Variants in TUBG2 observed in about 807,000 individuals in gnomAD.
TUBG2 encodes the protein tubulin gamma 2, also known as tubulin gamma-2 chain.
TUBG2 carries 39 observed loss-of-function variants against 55.1 expected under a neutral mutation model. The ratio of observed to expected loss-of-function variants is 0.71; its 90% confidence interval spans 0.55 to 0.93. TUBG2 has a LOEUF of 0.93. Ranked by LOEUF, TUBG2 falls within the 40% of genes least tolerant of loss-of-function variation. The pLI is 0.00. For synonymous variants in TUBG2, 223 were observed against 241.0 expected (o/e 0.93, Z 0.69); for missense variants, 358 against 599.1 (o/e 0.60, Z 4.20).
chr17:42,663,352 A>G, intron 5 of TUBG2, 25 bp from the exon 6 acceptor site: 2 of 1,613,806 alleles, frequency 1.2e-6, no homozygotes, highest in Non-Finnish European at 1.7e-6. Flanking sequence ...CCGGTTCACT[A>G]TGCCACCATC....
intron 4 of TUBG2, 88 bp downstream of exon 4, chr17:42,660,795 A>G: frequency 8.9e-7 from 1 of 1,120,852 alleles, no homozygotes; most frequent in Non-Finnish European, 1.3e-6. Flanking sequence ...AGGTAATATG[A>G]GGGGAGCAAT....
intron 4 of TUBG2, among the ~76,000 whole-genome samples, chr17:42,662,212 G>A (rs915901561): frequency 1.3e-5 from 2 of 152,052 alleles, no homozygotes; most frequent in African/African-American, 4.8e-5. Context: ...GCTGAGATAG[G>A]AAGATGCCTT....
chr17:42,660,827 G>C, intron 4 of TUBG2, 120 bp downstream of exon 4: 1 of 781,312 alleles, frequency 1.3e-6, no homozygotes, highest in African/African-American at 1.7e-5. Context: ...CCCGTTTATG[G>C]AGCATCAGAT....
chr17:42,663,418 A>T lies in TUBG2; in HGVS notation c.521A>T (p.Tyr174Phe), dbSNP rs1211562152. ...GTGCAGACTTATTCAGTGTTTCCCT[A>T]CCAGGACGAGATGAGCGACGTAGTG... ...KLVQTYSVFP[Y>F]QDEMSDVVVQ... Residue 174 changes from tyrosine to phenylalanine, a missense_variant, in exon 6 of 11, where the codon TAC (tyrosine) becomes TTC (phenylalanine). By Grantham distance (22) the Tyr-to-Phe change is conservative. Transcript: ENST00000251412. The T allele has an allele frequency of 5.0e-6, 8 of 1,613,976 alleles. No homozygotes were observed. Among genetic ancestry groups the T allele is most frequent in the Admixed American group, 1.7e-5 (1 of 59,990 alleles).
At chr17:42,660,863 T>C (rs2052367175) in intron 4 of TUBG2, 156 bp downstream of exon 4, 3 of 639,430 alleles carry the variant, frequency 4.7e-6, no homozygotes, top group African/African-American at 3.7e-5. Flanking sequence ...GAATAAGATA[T>C]AATCTTTGTT....
At chr17:42,661,596 G>A (rs1313949309) in intron 4 of TUBG2, among the ~76,000 whole-genome samples, 1 of 152,250 alleles carries the variant, frequency 6.6e-6, no homozygotes, top group Admixed American at 6.5e-5. Flanking sequence ...GGGGCTTCCA[G>A]GAAGGTGAAC....
At chr17:42,665,883 G>A (rs2052524460) in intron 8 of TUBG2, 56 bp downstream of exon 8, 7 of 1,609,870 alleles carry the variant, frequency 4.3e-6, no homozygotes, top group African/African-American at 1.3e-5. Flanking sequence ...AGCAGGCCCT[G>A]CCCCAGCCTT....
intron 4 of TUBG2, 31 bp from the exon 5 acceptor site, chr17:42,662,942 A>T (rs1344413841): frequency 6.2e-7 from 1 of 1,606,732 alleles, no homozygotes; most frequent in Non-Finnish European, 8.5e-7. Context: ...GGCAGGAGAA[A>T]CTGAGTCTGT....
Position 42,666,924 on chromosome 17 carries a change from G to A in TUBG2, c.*124G>A. 3 of 987,668 alleles carry A rather than the reference G, an allele frequency of 3.0e-6. No homozygotes were observed. The highest frequency in any genetic ancestry group is 4.5e-6 in the Non-Finnish European group (3 of 663,768). The allele number at this position is 987,668 out of a possible 1,614,324, so 61.2% of individuals were successfully genotyped here. On this transcript the variant is annotated 3_prime_UTR_variant, in exon 11 of 11. Transcript: ENST00000251412. The stretch of plus-strand genomic sequence containing the variant: ...TGGTTCATCTCCAGCCCGTGAGCTG[G>A]TCCTGCTTCCTCCCTTCCATGCCCT...
At chr17:42,665,390 T>TA (rs2052503327) in intron 6 of TUBG2, 86 bp from the exon 7 acceptor site, 4 of 1,598,136 alleles carry the variant, frequency 2.5e-6, no homozygotes, top group Middle Eastern at 2.1e-4. Context: ...CTTCCTGGCT[T>TA]TGGAGTTCAG....
At chr17:42,663,836 G>A (rs1005452923) in intron 6 of TUBG2, among the ~76,000 whole-genome samples, 2 of 151,934 alleles carry the variant, frequency 1.3e-5, no homozygotes, top group African/African-American at 2.4e-5. Context: ...CCAGCTACTC[G>A]GGAGGCTGAG....
chr17:42,659,671 G>T, intron 1 of TUBG2, 119 bp downstream of exon 1: 1 of 1,383,016 alleles, frequency 7.2e-7, no homozygotes, highest in Non-Finnish European at 9.8e-7. Context: ...CTGCTGCTCT[G>T]GATAACCCAG....
chr17:42,665,188 C>G (rs991781780), intron 6 of TUBG2, among the ~76,000 whole-genome samples: 8 of 152,098 alleles, frequency 5.3e-5, no homozygotes, highest in Non-Finnish European at 1.0e-4. Context: ...GCTGGGACTA[C>G]AGGCGCCCGC....
At position 42,662,870 on chromosome 17, in the gene TUBG2, C is replaced by A. The variant is rs566088311; in HGVS notation, c.400-103C>A. ...CTGGCATCTACTGTAGAATTGACTG[C>A]TTACCTGATGTGTGTGGTAAGACCC... On this transcript the variant is annotated intron_variant, in intron 4 of 10. Transcript: ENST00000251412. The A allele has an allele frequency of 3.7e-5, 41 of 1,115,422 alleles. No individual in the cohort carries two copies. In the South Asian group the frequency reaches 5.7e-4, roughly 15 times the overall value. The allele number at this position is 1,115,422 out of a possible 1,614,324, so 69.1% of individuals were successfully genotyped here. A position where few individuals can be genotyped will look rare whatever the true frequency, so the allele number is the denominator to read the frequency against.
intron 4 of TUBG2, 84 bp downstream of exon 4, chr17:42,660,791 T>C (rs1362352158): frequency 8.6e-7 from 1 of 1,163,678 alleles, no homozygotes; most frequent in Non-Finnish European, 1.3e-6. Context: ...GGATAGGTAA[T>C]ATGAGGGGAG....
intron 6 of TUBG2, 40 bp downstream of exon 6, chr17:42,663,543 C>T (rs1309019272): frequency 6.8e-6 from 11 of 1,610,244 alleles, no homozygotes; most frequent in African/African-American, 1.3e-5. Context: ...TGTGGTGGCT[C>T]ATGCCTGTAG....
In TUBG2 at chr17:42,659,423, C is replaced by G; in HGVS notation, c.-81C>G. 1 of 1,447,772 alleles carries G rather than the reference C, an allele frequency of 6.9e-7. No individual in the cohort carries two copies. The highest frequency in any genetic ancestry group is 9.3e-7 in the Non-Finnish European group (1 of 1,074,312). The allele number at this position is 1,447,772 out of a possible 1,614,324, so 89.7% of individuals were successfully genotyped here. A position where few individuals can be genotyped will look rare whatever the true frequency, so the allele number is the denominator to read the frequency against. Reference sequence around the variant, plus strand: ...CGAAGAGAGCGCGCGCTCCCCACGTCCTGCGCTCCTGGCTGCCGGGCATTC... The same window carrying G: ...CGAAGAGAGCGCGCGCTCCCCACGTGCTGCGCTCCTGGCTGCCGGGCATTC... On this transcript the variant is annotated 5_prime_UTR_variant, in exon 1 of 11. Coordinates refer to ENST00000251412, the MANE Select transcript of TUBG2 (RefSeq NM_016437.3).
chr17:42,659,688 A>AG (rs2052336905), intron 1 of TUBG2, 136 bp downstream of exon 1: 16 of 1,357,738 alleles, frequency 1.2e-5, no homozygotes, highest in Non-Finnish European at 1.6e-5. Flanking sequence ...CCAGACCGAG[A>AG]GCTGCGCCTC....
At chr17:42,659,679 C>A in intron 1 of TUBG2, 127 bp downstream of exon 1, 2 of 1,371,852 alleles carry the variant, frequency 1.5e-6, no homozygotes, top group Non-Finnish European at 2.0e-6. Flanking sequence ...CTGGATAACC[C>A]AGACCGAGAG....
Sources: gnomAD v4.1 joint callset for allele counts (sites outside exome capture counted in the v4.1 genomes callset) on GRCh38, gnomAD v4.1.1 for gene constraint, MANE v1.5 for transcripts, NCBI Gene and HGNC (gene_info 2026-07-23, HGNC 2026-07-21) for gene names.